AFF2: variants seen among roughly 807,000 people sequenced by gnomAD.
AFF2 encodes AF4/FMR2 family member 2.
Under a neutral mutation model 76.9 loss-of-function variants are expected in AFF2, and 14 were observed. That is an observed-to-expected ratio of 0.18 (90% CI 0.12 to 0.28). AFF2 has a LOEUF of 0.28. AFF2 is among the 10% of genes least tolerant of loss of function. AFF2 has a pLI of 1.00. For missense variants in AFF2, 868 were observed against 1,001.1 expected (o/e 0.87, Z 1.79); for synonymous variants, 398 against 366.7 (o/e 1.09, Z -0.98).
rs192104167 is a variant in AFF2 at position 148,506,723 on chromosome X, T to C, written c.47+5579T>C. On this transcript the variant is annotated intron_variant, in intron 1 of 20. Coordinates refer to ENST00000370460, the MANE Select transcript of AFF2 (RefSeq NM_002025.4). ...TTTGGCTCATTTGGAGCCTCAAAAC[T>C]GGAGGTGGGAAGTTGGTAACATTTC... Among the ~76,000 whole-genome samples, 6 of 111,543 alleles carry C rather than the reference T, an allele frequency of 5.4e-5. No homozygotes were observed. In the East Asian group the frequency reaches 1.4e-3, roughly 26 times the overall value.
intron 1 of AFF2, among the ~76,000 whole-genome samples, chrX:148,565,819 C>T (rs1417660245): frequency 5.4e-5 from 6 of 110,848 alleles, no homozygotes; most frequent in Admixed American, 4.9e-4. Flanking sequence ...ATTCTTCCTT[C>T]CTTTCAACAA....
chrX:148,540,653 C>G (rs1456727023), intron 1 of AFF2, among the ~76,000 whole-genome samples: 2 of 110,686 alleles, frequency 1.8e-5, no homozygotes, highest in African/African-American at 3.3e-5. Context: ...CAGTTGGTCT[C>G]AGGCCACTAG....
intron 1 of AFF2, among the ~76,000 whole-genome samples, chrX:148,622,385 C>T (rs1411415566): frequency 6.3e-5 from 7 of 111,797 alleles, no homozygotes; most frequent in African/African-American, 1.3e-4. Flanking sequence ...TGTTGCAGTC[C>T]GGAGGCAGAA....
chrX:148,686,025 G>A (rs1349577879), intron 3 of AFF2, among the ~76,000 whole-genome samples: 1 of 109,947 alleles, frequency 9.1e-6, no homozygotes, highest in Non-Finnish European at 1.9e-5. Context: ...TTCTTCTCAG[G>A]AGATTTTAAG....
At position 148,837,750 on chromosome X, in the gene AFF2, C is replaced by T; in HGVS notation, c.1173+17C>T. ...CCAGGACAGGTCAGTTCTCTTCCTTCCTGCATTTTTGTTTGTCTTATTTTA... is the reference window on the plus strand; with the variant it reads ...CCAGGACAGGTCAGTTCTCTTCCTTTCTGCATTTTTGTTTGTCTTATTTTA... On this transcript the variant is annotated intron_variant, in intron 5 of 20. Coordinates refer to ENST00000370460, the MANE Select transcript of AFF2 (RefSeq NM_002025.4). 2 of 1,102,290 alleles carry T rather than the reference C, an allele frequency of 1.8e-6. No homozygotes were observed. Among genetic ancestry groups the T allele is most frequent in the Non-Finnish European group, 2.5e-6 (2 of 804,322 alleles). 90.8% of individuals were successfully genotyped at this position (1,102,290 alleles called of 1,213,427 possible).
chrX:148,501,507 C>A (rs1399158188), intron 1 of AFF2, among the ~76,000 whole-genome samples: 1 of 113,352 alleles, frequency 8.8e-6, no homozygotes, highest in Admixed American at 9.2e-5. Context: ...GGATGCCGCC[C>A]GCCCGAAATG....
At chrX:148,694,222 C>T (rs908980923) in intron 3 of AFF2, among the ~76,000 whole-genome samples, 7 of 108,553 alleles carry the variant, frequency 6.4e-5, no homozygotes, top group Non-Finnish European at 1.3e-4. Flanking sequence ...ATGCTAGAGA[C>T]GAGTTAGTGG....
chrX:148,850,197 G>T (rs2070716606), intron 7 of AFF2, among the ~76,000 whole-genome samples: 2 of 111,583 alleles, frequency 1.8e-5, no homozygotes, highest in East Asian at 5.6e-4. Flanking sequence ...TATCCCTTCA[G>T]AAATGTCCAT....
intron 3 of AFF2, among the ~76,000 whole-genome samples, chrX:148,759,994 A>C (rs373264880): frequency 6.2e-5 from 7 of 112,334 alleles, no homozygotes; most frequent in Non-Finnish European, 1.1e-4. Context: ...CACAGTAGAC[A>C]GAGTAGAGAG....
intron 3 of AFF2, among the ~76,000 whole-genome samples, chrX:148,797,231 C>A (rs782718389): frequency 6.2e-4 from 63 of 101,873 alleles, no homozygotes; most frequent in African/African-American, 2.9e-3. Flanking sequence ...ACAGACTTAA[C>A]AGACACGAGT....
At chrX:148,556,478 G>A (rs781911320) in intron 1 of AFF2, among the ~76,000 whole-genome samples, 114 of 111,757 alleles carry the variant, frequency 1.0e-3, no homozygotes, top group African/African-American at 3.5e-3. Context: ...AAATATTTGA[G>A]TTCCACATAA....
intron 7 of AFF2, among the ~76,000 whole-genome samples, chrX:148,861,592 C>T (rs1327499919): frequency 3.6e-5 from 4 of 111,215 alleles, no homozygotes; most frequent in Non-Finnish European, 7.5e-5. Flanking sequence ...TTCAAACTAA[C>T]TTGGCTATAG....
chrX:148,634,771 T>C (rs782195720), intron 1 of AFF2, among the ~76,000 whole-genome samples: 138 of 112,112 alleles, frequency 1.2e-3, no homozygotes, highest in Middle Eastern at 4.6e-3. Flanking sequence ...AGAGTCAGCC[T>C]TGCAGAGCTG....
At chrX:148,700,826 C>T (rs2054781247) in intron 3 of AFF2, among the ~76,000 whole-genome samples, 1 of 111,126 alleles carries the variant, frequency 9.0e-6, no homozygotes, top group South Asian at 3.7e-4. Context: ...AATTGGCAAG[C>T]AAATGTCCTG....
At chrX:148,681,565 AGTGTGTGT>A (rs782274593) in intron 3 of AFF2, among the ~76,000 whole-genome samples, 2 of 64,044 alleles carry the variant, frequency 3.1e-5, no homozygotes, top group African/African-American at 1.4e-4. Flanking sequence ...TGTGTGTGTC[AGTGTGTGT>A]GTGTGTGTGT....
At chrX:148,925,811 C>G (rs782011174) in intron 9 of AFF2, among the ~76,000 whole-genome samples, 1 of 111,393 alleles carries the variant, frequency 9.0e-6, no homozygotes, top group Non-Finnish European at 1.9e-5. Context: ...TGCAAGCCTT[C>G]GGTATGGTGT....
intron 3 of AFF2, among the ~76,000 whole-genome samples, chrX:148,740,856 C>T (rs1457502726): frequency 8.9e-6 from 1 of 111,842 alleles, no homozygotes; most frequent in Admixed American, 9.5e-5. Context: ...TGATGTAGTA[C>T]TCTCCTCTTT....
intron 1 of AFF2, among the ~76,000 whole-genome samples, chrX:148,637,357 G>A (rs1479746076): frequency 8.9e-6 from 1 of 112,206 alleles, no homozygotes; most frequent in African/African-American, 3.2e-5. Context: ...AAATAGAAAA[G>A]GGGAGATAAT....
intron 4 of AFF2, among the ~76,000 whole-genome samples, chrX:148,825,352 T>C (rs10126797): frequency 0.017 from 1,884 of 111,830 alleles, 43 homozygotes; most frequent in African/African-American, 0.058. Context: ...GGATTAAATA[T>C]GGTAACATAA....
Sources: allele counts gnomAD v4.1 joint callset (sites outside exome capture counted in the v4.1 genomes callset), GRCh38; gene constraint gnomAD v4.1.1; transcripts MANE v1.5; gene names NCBI Gene and HGNC (gene_info 2026-07-23, HGNC 2026-07-21).